Variants in FBXL5 observed in about 807,000 individuals in gnomAD.
The protein encoded by FBXL5 is F-box/LRR-repeat protein 5.
In FBXL5, 26 loss-of-function variants were observed where a neutral mutation model predicts 78.3. The observed-to-expected ratio is 0.33, with a 90% CI of 0.24 to 0.46. The LOEUF is 0.46. Among genes scored for constraint, FBXL5 ranks in the 20% least tolerant of loss-of-function variants. The pLI, the probability that FBXL5 is intolerant of heterozygous loss-of-function variation, is 1.00. For missense variants in FBXL5, 710 were observed against 829.2 expected (o/e 0.86, Z 1.77); for synonymous variants, 295 against 282.5 (o/e 1.04, Z -0.45).
chr4:15,626,734 T>C, intron 8 of FBXL5, 139 bp downstream of exon 8: 1 of 642,872 alleles, frequency 1.6e-6, no homozygotes, highest in Non-Finnish European at 2.7e-6. Context: ...AGTGAAGAAC[T>C]GGAGGGTGCT....
At chr4:15,626,825 C>CT in intron 8 of FBXL5, 48 bp downstream of exon 8, 1 of 1,306,686 alleles carries the variant, frequency 7.7e-7, no homozygotes, top group Non-Finnish European at 1.1e-6. Context: ...TAAATGAAAC[C>CT]TTATAAAATA....
intron 1 of FBXL5, among the ~76,000 whole-genome samples, chr4:15,680,265 A>T (rs542463651): frequency 2.6e-5 from 4 of 152,216 alleles, no homozygotes; most frequent in Non-Finnish European, 5.9e-5. Flanking sequence ...GAAGACTATT[A>T]GGAATGGTAC....
At chr4:15,645,713 T>C (rs1715284572) in intron 1 of FBXL5, among the ~76,000 whole-genome samples, 1 of 152,026 alleles carries the variant, frequency 6.6e-6, no homozygotes, top group South Asian at 2.1e-4. Flanking sequence ...AGGTATAAGC[T>C]ACCACGCCCG....
intron 2 of FBXL5, among the ~76,000 whole-genome samples, chr4:15,643,941 G>GT (rs1715137204): frequency 6.6e-6 from 1 of 152,150 alleles, no homozygotes; most frequent in African/African-American, 2.4e-5. Context: ...TAATAAAGAG[G>GT]TAACTGATGA....
chr4:15,645,939 T>C (rs1440049261), intron 1 of FBXL5, among the ~76,000 whole-genome samples: 2 of 152,224 alleles, frequency 1.3e-5, no homozygotes, highest in Non-Finnish European at 2.9e-5. Context: ...ACCTGGGATA[T>C]ATCAATGAAC....
At chr4:15,639,010 C>T (rs1314714793) in intron 3 of FBXL5, among the ~76,000 whole-genome samples, 1 of 152,080 alleles carries the variant, frequency 6.6e-6, no homozygotes, top group East Asian at 1.9e-4. Context: ...ACTAAAAATA[C>T]AGAAGTAGCC....
At position 15,626,131 on chromosome 4, in the gene FBXL5, T is replaced by G. The variant is rs565418870; in HGVS notation, c.1125-154A>C. Among the ~76,000 whole-genome samples the G allele has an allele frequency of 3.3e-5, 5 of 152,200 alleles. No homozygotes were observed. The East Asian group carries it at 5.8e-4, about 18-fold the overall frequency. On this transcript the variant is annotated intron_variant, in intron 8 of 10. Transcript: ENST00000341285. ...TTATCTATTGTTAAGGTACTATTCTTGATGCTAGGGATACAAAAACTCAAT... is the reference window on the plus strand; with the variant it reads ...TTATCTATTGTTAAGGTACTATTCTGGATGCTAGGGATACAAAAACTCAAT...
chr4:15,646,759 A>G (rs1715398177), intron 1 of FBXL5, among the ~76,000 whole-genome samples: 1 of 133,188 alleles, frequency 7.5e-6, no homozygotes, highest in Admixed American at 9.1e-5. Context: ...TGTTGTTCTC[A>G]TTGTTCAATT....
upstream of FBXL5, chr4:15,656,331 G>A: frequency 2.2e-6 from 1 of 456,224 alleles, no homozygotes. Context: ...AGATTGGTTG[G>A]CTGGAGTACT....
intron 9 of FBXL5, among the ~76,000 whole-genome samples, chr4:15,618,869 T>C (rs545000662): frequency 4.7e-4 from 72 of 152,038 alleles, no homozygotes; most frequent in African/African-American, 1.5e-3. Context: ...TCAACCTTTC[T>C]CAAGCTCTGC....
At chr4:15,675,924 A>G (rs1049992590) in intron 1 of FBXL5, among the ~76,000 whole-genome samples, 2 of 152,212 alleles carry the variant, frequency 1.3e-5, no homozygotes, top group Non-Finnish European at 2.9e-5. Context: ...TGCTATTCTG[A>G]CTACCTCAAA....
intron 1 of FBXL5, among the ~76,000 whole-genome samples, chr4:15,680,618 G>A (rs1560256876): frequency 6.6e-6 from 1 of 152,114 alleles, no homozygotes; most frequent in Admixed American, 6.5e-5. Context: ...TGAGGTTGCA[G>A]TGAGCCGAGG....
At chr4:15,618,587 T>C (rs1328720088) in intron 9 of FBXL5, among the ~76,000 whole-genome samples, 2 of 152,250 alleles carry the variant, frequency 1.3e-5, no homozygotes, top group African/African-American at 4.8e-5. Flanking sequence ...ACGCCTGCAA[T>C]TCCAGCACTT....
At chr4:15,606,581 G>A (rs1721901757) in intron 10 of FBXL5, among the ~76,000 whole-genome samples, 1 of 152,184 alleles carries the variant, frequency 6.6e-6, no homozygotes, top group African/African-American at 2.4e-5. Flanking sequence ...TACTCTGAAT[G>A]AATGATATTT....
At chr4:15,677,519 C>G (rs1243812508) in intron 1 of FBXL5, among the ~76,000 whole-genome samples, 2 of 152,156 alleles carry the variant, frequency 1.3e-5, no homozygotes, top group African/African-American at 2.4e-5. Flanking sequence ...ATCTCACTAT[C>G]TCTGACAAGG....
In FBXL5 at chr4:15,609,402, CTTG is replaced by C. The variant is rs557210523; in HGVS notation, c.1999+2861_1999+2863del. Among the ~76,000 whole-genome samples the C allele has an allele frequency of 2.6e-3, 390 of 152,082 alleles. 3 individuals are homozygous for C. Among genetic ancestry groups the C allele is most frequent in the African/African-American group, 9.1e-3 (379 of 41,518 alleles). On this transcript the variant is annotated intron_variant, in intron 10 of 10. Coordinates refer to ENST00000341285, the MANE Select transcript of FBXL5 (RefSeq NM_012161.4). ...TCTCCAGACTTTTATTATTGAATAA[CTTG>C]TTTTTACTGAGTTCTAAGTATATTA...
rs1721840456 is a variant in FBXL5, at chr4:15,605,724, C to T, written c.2075G>A (p.Ter692=). 1 of 1,613,256 alleles carries T rather than the reference C, an allele frequency of 6.2e-7. No homozygotes were observed. The highest frequency in any genetic ancestry group is 8.5e-7 in the Non-Finnish European group (1 of 1,179,522). ...TAGACAAAGATCAGAAGTCAAGGGTCATTCGCCAGAGCGGCAGCAGGCTCG... is the reference window on the plus strand; with the variant it reads ...TAGACAAAGATCAGAAGTCAAGGGTTATTCGCCAGAGCGGCAGCAGGCTCG... ...GFRACCRSGE[*] Residue 692 remains the stop codon, a stop_retained_variant, in exon 11 of 11, where the codon TGA becomes TAA. Coordinates refer to ENST00000341285, the MANE Select transcript of FBXL5 (RefSeq NM_012161.4).
At chr4:15,628,061 A>G in intron 6 of FBXL5, 28 bp from the exon 7 acceptor site, 3 of 1,596,894 alleles carry the variant, frequency 1.9e-6, no homozygotes, top group Non-Finnish European at 2.6e-6. Context: ...AAGTCCAAGA[A>G]CTTGATAAAC....
upstream of FBXL5, among the ~76,000 whole-genome samples, chr4:15,662,778 T>A (rs1717373270): frequency 1.3e-5 from 2 of 152,260 alleles, no homozygotes; most frequent in Non-Finnish European, 2.9e-5. Flanking sequence ...GATGTAATTT[T>A]TTTTTGTCTT....
Sources: allele counts gnomAD v4.1 joint callset (sites outside exome capture counted in the v4.1 genomes callset), GRCh38; gene constraint gnomAD v4.1.1; transcripts MANE v1.5; gene names NCBI Gene and HGNC (gene_info 2026-07-23, HGNC 2026-07-21).